Variants in PPP2R3B observed in about 807,000 individuals in gnomAD.
The protein encoded by PPP2R3B is protein phosphatase 2 regulatory subunit B''beta.
A neutral mutation model predicts 72.9 loss-of-function variants in PPP2R3B; 68 were observed. The observed-to-expected ratio is 0.93, with a 90% CI of 0.77 to 1.14. The LOEUF (loss-of-function observed/expected upper bound fraction) is 1.14. Among genes scored for constraint, PPP2R3B ranks in the 50% most tolerant of loss-of-function variants. The pLI is 0.00. For missense variants in PPP2R3B, 1,018 were observed against 842.0 expected, an observed-to-expected ratio of 1.21 and a Z score of -2.59; for synonymous variants, 466 against 375.8, an observed-to-expected ratio of 1.24 and a Z score of -2.78.
At chrX:364,569 T>C (rs1404096149) in intron 1 of PPP2R3B, among the ~76,000 whole-genome samples, 1 of 143,124 alleles carries the variant, frequency 7.0e-6, no homozygotes, top group Non-Finnish European at 1.5e-5. Context: ...ATAAAAAAAA[T>C]TAGCCGGGTG....
chrX:338,400 C>A, intron 12 of PPP2R3B: 1 of 626,284 alleles, frequency 1.6e-6, no homozygotes, highest in Admixed American at 2.6e-5. Context: ...GCAGACTGCA[C>A]CGAGGCCCGG....
At chrX:349,470 G>A (rs1218205955) in intron 2 of PPP2R3B, among the ~76,000 whole-genome samples, 1 of 152,194 alleles carries the variant, frequency 6.6e-6, no homozygotes, top group African/African-American at 2.4e-5. Flanking sequence ...CCCTGTGCTG[G>A]GAACAAGAGG....
chrX:363,256 T>TCCCGCAGTGCATCTCCCCGAGCCCAC (rs2071582610), intron 1 of PPP2R3B, among the ~76,000 whole-genome samples: 10 of 118,474 alleles, frequency 8.4e-5, no homozygotes, highest in East Asian at 2.5e-4. Flanking sequence ...CCCGAGCCCA[T>TCCCGCAGTGCATCTCCCCGAGCCCAC]GATCCCGCAG....
chrX:386,755 T>G lies in PPP2R3B; in HGVS notation c.-64A>C. 9.1e-7 allele frequency: 1 copy of G among 1,097,254 alleles called. No homozygotes were observed. Among genetic ancestry groups the G allele is most frequent in the Non-Finnish European group, 1.1e-6 (1 of 881,732 alleles). 68.0% of individuals were successfully genotyped at this position (1,097,254 alleles called of 1,614,324 possible). A position where few individuals can be genotyped will look rare whatever the true frequency, so the allele number is the denominator to read the frequency against. On this transcript the variant is annotated 5_prime_UTR_variant, in exon 1 of 13. Coordinates refer to ENST00000390665, the MANE Select transcript of PPP2R3B (RefSeq NM_013239.5). Reference sequence around the variant, plus strand: ...CCCCGCCCCGCCCCGGGGGCTTCGGTCCGCCCCGGACCGACCTCGGTGATG... The same window carrying G: ...CCCCGCCCCGCCCCGGGGGCTTCGGGCCGCCCCGGACCGACCTCGGTGATG...
chrX:379,036 T>C (rs1399251087), intron 1 of PPP2R3B, among the ~76,000 whole-genome samples: 1 of 152,070 alleles, frequency 6.6e-6, no homozygotes, highest in Non-Finnish European at 1.5e-5. Flanking sequence ...CACCTGTGTG[T>C]GTGTATGCAC....
chrX:383,572 T>A (rs2072170963), intron 1 of PPP2R3B, among the ~76,000 whole-genome samples: 1 of 151,946 alleles, frequency 6.6e-6, no homozygotes, highest in Non-Finnish European at 1.5e-5. Flanking sequence ...GCACGGTGGC[T>A]CACACCTGTA....
At chrX:364,398 G>A (rs1162630531) in intron 1 of PPP2R3B, among the ~76,000 whole-genome samples, 3 of 151,606 alleles carry the variant, frequency 2.0e-5, no homozygotes, top group Non-Finnish European at 4.4e-5. Flanking sequence ...AACCGGCCGG[G>A]CTCGTGCCTG....
intron 1 of PPP2R3B, among the ~76,000 whole-genome samples, chrX:363,310 C>T (rs1412210394): frequency 2.0e-5 from 3 of 149,064 alleles, no homozygotes; most frequent in African/African-American, 5.0e-5. Context: ...TCTCCCCGAG[C>T]CCACCATCCC....
intron 1 of PPP2R3B, among the ~76,000 whole-genome samples, chrX:382,142 C>T (rs1156407853): frequency 7.9e-5 from 12 of 152,016 alleles, no homozygotes; most frequent in African/African-American, 1.9e-4. Flanking sequence ...TCTGCTTCTC[C>T]GGTCAGACCA....
intron 1 of PPP2R3B, among the ~76,000 whole-genome samples, chrX:371,158 T>A (rs1323183420): frequency 1.3e-5 from 2 of 151,970 alleles, no homozygotes; most frequent in Admixed American, 1.3e-4. Flanking sequence ...AGGCAGTGGC[T>A]CCGGCAAGAA....
chrX:380,002 C>T (rs1322984059), intron 1 of PPP2R3B, among the ~76,000 whole-genome samples: 7 of 152,178 alleles, frequency 4.6e-5, no homozygotes, highest in South Asian at 2.1e-4. Context: ...CACAATTCCA[C>T]GGGGGGAGAA....
At chrX:369,517 C>T (rs938963679) in intron 1 of PPP2R3B, among the ~76,000 whole-genome samples, 4 of 152,160 alleles carry the variant, frequency 2.6e-5, no homozygotes, top group African/African-American at 4.8e-5. Flanking sequence ...CATATACGAC[C>T]AAAAACAAAG....
chrX:344,597 C>T (rs375245509), intron 7 of PPP2R3B, among the ~76,000 whole-genome samples: 3 of 152,236 alleles, frequency 2.0e-5, no homozygotes, highest in Middle Eastern at 3.2e-3. Flanking sequence ...GGACAGTGAG[C>T]GCCTGGTTCT....
At chrX:353,027 C>G (rs1484565458) in intron 2 of PPP2R3B, among the ~76,000 whole-genome samples, 1 of 151,732 alleles carries the variant, frequency 6.6e-6, no homozygotes. Context: ...GGGTGGACAG[C>G]CCCCTTGCTG....
Position 340,847 on chromosome X carries a change from C to A in PPP2R3B, c.1269G>T (p.Arg423Ser), listed in dbSNP as rs771777084. Reference sequence around the variant, plus strand: ...GGGCCTCGATGGCCATGCTGTCCAGCCTTCGGCACTGCTCCTCGTAGAAGT... The same window carrying A: ...GGGCCTCGATGGCCATGCTGTCCAGACTTCGGCACTGCTCCTCGTAGAAGT... The part of the protein sequence containing the change: ...LEYFYEEQCR[R>S]LDSMAIEALP... Residue 423 changes from arginine (R) to serine (S), a missense_variant, in exon 10 of 13, where the codon AGG becomes AGT. Coordinates refer to ENST00000390665, the MANE Select transcript of PPP2R3B (RefSeq NM_013239.5). 154 of 1,612,064 alleles carry A rather than the reference C, an allele frequency of 9.6e-5. 6 individuals carry two copies. In the South Asian group the frequency reaches 1.7e-3, roughly 17 times the overall value.
In PPP2R3B at chrX:361,569, G is replaced by A; in HGVS notation, c.346C>T (p.Pro116Ser). ...TRVVQTRKEE[P>S]LPPATSQSIP... ...CTTTGGCTCGTGGCCGGGGGCAGAG[G>A]CTCTTCTTTCCGTGTCTGAACCTGA... The change falls in exon 2 of 13, where the codon CCT becomes TCT. Residue 116 changes from proline (P) to serine (S), a missense_variant. Transcript: ENST00000390665. 1 of 1,613,970 alleles carries A rather than the reference G, an allele frequency of 6.2e-7. No homozygotes were observed. Among genetic ancestry groups the A allele is most frequent in the Non-Finnish European group, 8.5e-7 (1 of 1,179,842 alleles).
In PPP2R3B at chrX:347,297, G is replaced by A; in HGVS notation, c.654C>T (p.Val218=). The A allele has an allele frequency of 6.2e-7, 1 of 1,613,826 alleles. No homozygotes were observed. ...TGCAGCCGGGGCTCATGAGCAGATG[G>A]ACGAACTTGGCCGCGTCGTCGTGGC... ...QNCHDDAAKF[V]HLLMSPGCNY... is the part of the protein sequence containing the mutation. Residue 218 remains valine (V), a synonymous_variant, in exon 4 of 13, where the codon GTC becomes GTT. Coordinates refer to ENST00000390665, the MANE Select transcript of PPP2R3B (RefSeq NM_013239.5).
At chrX:351,653 C>T (rs1473968459) in intron 2 of PPP2R3B, among the ~76,000 whole-genome samples, 1 of 113,180 alleles carries the variant, frequency 8.8e-6, no homozygotes, top group African/African-American at 3.3e-5. Context: ...CACGGTCTTG[C>T]TGTTGCCCAG....
Position 364,806 on chromosome X carries a change from A to C in PPP2R3B, c.325-3216T>G, listed in dbSNP as rs771165690. Among the ~76,000 whole-genome samples, 314 of 54,684 alleles carry C rather than the reference A, an allele frequency of 5.7e-3. 1 individual carries two copies. The highest frequency in any genetic ancestry group is 7.2e-3 in the South Asian group (8 of 1,110). 35.9% of individuals were successfully genotyped at this position (54,684 alleles called of 152,430 possible). A position where few individuals can be genotyped will look rare whatever the true frequency, so the allele number is the denominator to read the frequency against. Reference sequence around the variant, plus strand: ...GCTGAGGCAGGAGAATCGCTTCAACACAGGAGGCGGAGGTTGCAGTGAGCT... The same window carrying C: ...GCTGAGGCAGGAGAATCGCTTCAACCCAGGAGGCGGAGGTTGCAGTGAGCT... On this transcript the variant is annotated intron_variant, in intron 1 of 12. Coordinates refer to ENST00000390665, the MANE Select transcript of PPP2R3B (RefSeq NM_013239.5).
Sources: gnomAD v4.1 joint callset for allele counts (sites outside exome capture counted in the v4.1 genomes callset) on GRCh38, gnomAD v4.1.1 for gene constraint, MANE v1.5 for transcripts, NCBI Gene and HGNC (gene_info 2026-07-23, HGNC 2026-07-21) for gene names.